SPTBN4: variants seen among roughly 807,000 people sequenced by gnomAD.
SPTBN4 encodes spectrin beta chain, non-erythrocytic 4.
A neutral mutation model predicts 277.8 loss-of-function variants in SPTBN4; 96 were observed. That is an observed-to-expected ratio of 0.35 (90% CI 0.29 to 0.41). The LOEUF (loss-of-function observed/expected upper bound fraction) is 0.41. SPTBN4 is among the 10% of genes least tolerant of loss of function. The pLI, the probability that SPTBN4 is intolerant of heterozygous loss-of-function variation, is 1.00. For synonymous variants in SPTBN4, 1,481 were observed against 1,580.3 expected, an observed-to-expected ratio of 0.94 and a Z score of 1.49; for missense variants, 3,006 against 3,595.7, an observed-to-expected ratio of 0.84 and a Z score of 4.19.
intron 1 of SPTBN4, among the ~76,000 whole-genome samples, chr19:40,469,131 T>C (rs1421483695): frequency 6.6e-6 from 1 of 151,762 alleles, no homozygotes; most frequent in Non-Finnish European, 1.5e-5. Context: ...TGTGTCCCCC[T>C]AAGGGACAAT....
chr19:40,556,568 G>A (rs1042510755), intron 25 of SPTBN4, among the ~76,000 whole-genome samples: 4 of 147,554 alleles, frequency 2.7e-5, no homozygotes, highest in Non-Finnish European at 6.0e-5. Context: ...TTCAGTAAGT[G>A]TTAGATATTA....
rs1295561750 is a variant in SPTBN4 at position 40,560,055 on chromosome 19, G to A, written c.5671-104G>A. 1.8e-5 allele frequency: 26 copies of A among 1,443,832 alleles called. No homozygotes were observed. In the East Asian group the frequency reaches 6.4e-4, roughly 35 times the overall value. 89.4% of individuals were successfully genotyped at this position (1,443,832 alleles called of 1,614,324 possible). ...GAGCCTGGCTGTGGGATCACAGTGT[G>A]AGGCTCCTTATATCTTGAGGTTCTG... On this transcript the variant is annotated intron_variant, in intron 26 of 35. Transcript: ENST00000598249. This position sits in a 1 kb window ranked among gnomAD's most constrained non-coding sequence, Gnocchi z 5.2.
chr19:40,479,961 G>A (rs1484873156), intron 2 of SPTBN4, among the ~76,000 whole-genome samples: 1 of 151,442 alleles, frequency 6.6e-6, no homozygotes, highest in African/African-American at 2.4e-5. Context: ...TTAAAAATTA[G>A]CTGGGTGGGG....
At position 40,502,745 on chromosome 19, in the gene SPTBN4, A is replaced by C; in HGVS notation, c.1204-30A>C. The C allele has an allele frequency of 6.2e-7, 1 of 1,609,890 alleles. No homozygotes were observed. Among genetic ancestry groups the C allele is most frequent in the Non-Finnish European group, 8.5e-7 (1 of 1,177,896 alleles). The stretch of plus-strand genomic sequence containing the variant: ...CCATTAAACTGTGGGGAGCTGTCAG[A>C]GTCTGAGTGCCTCCTCCCATCTCCT... On this transcript the variant is annotated intron_variant, in intron 10 of 35. Transcript: ENST00000598249. This position sits in a 1 kb window ranked among gnomAD's most constrained non-coding sequence, Gnocchi z 4.9.
rs2080976770 is a variant in SPTBN4, at chr19:40,556,165, T to C, written c.5166T>C (p.Ala1722=). Reference sequence around the variant, plus strand: ...AGCTGGGTGAGGAGCGCCGGGTGGCTCTGGAACAGCAGTACTGGCTGTACC... The same window carrying C: ...AGCTGGGTGAGGAGCGCCGGGTGGCCCTGGAACAGCAGTACTGGCTGTACC... ...LKELGEERRV[A]LEQQYWLYQL... Residue 1722 remains alanine, a synonymous_variant, in exon 25 of 36, where the codon GCT becomes GCC. Transcript: ENST00000598249. 2 of 1,613,238 alleles carry C rather than the reference T, an allele frequency of 1.2e-6. No homozygotes were observed. Among genetic ancestry groups the C allele is most frequent in the Admixed American group, 3.3e-5 (2 of 59,978 alleles).
intron 12 of SPTBN4, among the ~76,000 whole-genome samples, chr19:40,505,219 T>C (rs1297132651): frequency 2.1e-5 from 1 of 47,096 alleles, no homozygotes; most frequent in Non-Finnish European, 3.9e-5. Flanking sequence ...ATCCTGTCTG[T>C]ACAAAAAAAA....
chr19:40,532,838 C>A, intron 19 of SPTBN4, 67 bp downstream of exon 19: 1 of 1,505,574 alleles, frequency 6.6e-7, no homozygotes, highest in Non-Finnish European at 8.9e-7. Flanking sequence ...CCACGTCTCA[C>A]CTGCTGCACC....
intron 20 of SPTBN4, 148 bp from the exon 21 acceptor site, chr19:40,549,041 C>A: frequency 1.6e-6 from 1 of 622,262 alleles, no homozygotes. Flanking sequence ...TCATGCGGAG[C>A]GCATCGCTCC....
intron 18 of SPTBN4, among the ~76,000 whole-genome samples, chr19:40,529,929 C>A (rs990800211): frequency 5.3e-5 from 8 of 152,088 alleles, no homozygotes; most frequent in Non-Finnish European, 2.9e-5. Context: ...AAAGACGATT[C>A]GACCCTCCCC....
intron 2 of SPTBN4, among the ~76,000 whole-genome samples, chr19:40,486,154 G>A (rs552319338): frequency 6.6e-6 from 1 of 152,002 alleles, no homozygotes; most frequent in Non-Finnish European, 1.5e-5. Flanking sequence ...AGCCAGGCCT[G>A]GTGGCATGCT....
chr19:40,536,541 G>T (rs761057638), intron 20 of SPTBN4, among the ~76,000 whole-genome samples: 2 of 152,064 alleles, frequency 1.3e-5, no homozygotes, highest in African/African-American at 4.8e-5. Flanking sequence ...ATATAGAATA[G>T]CAGTTCTCAA....
In SPTBN4 at chr19:40,520,543, A is replaced by G. The variant is rs138708463; in HGVS notation, c.3654+392A>G. Among the ~76,000 whole-genome samples, 3 of 152,344 alleles carry G rather than the reference A, an allele frequency of 2.0e-5. No homozygotes were observed. The East Asian group carries it at 5.8e-4, about 29-fold the overall frequency. On this transcript the variant is annotated intron_variant, in intron 16 of 35. Transcript: ENST00000598249. ...AATGGGGTTCAAAGAAGATCTTGGT[A>G]TGGATAACAAAGGATTAGGATTATG...
intron 15 of SPTBN4, among the ~76,000 whole-genome samples, chr19:40,517,378 C>T (rs940359020): frequency 2.0e-5 from 3 of 151,918 alleles, no homozygotes; most frequent in Non-Finnish European, 4.4e-5. Flanking sequence ...CAGCCTTCAC[C>T]GCCCCCGACC....
chr19:40,562,847 A>G (rs1359700798), intron 27 of SPTBN4, among the ~76,000 whole-genome samples: 3 of 151,674 alleles, frequency 2.0e-5, no homozygotes, highest in Admixed American at 2.0e-4. Flanking sequence ...AAAAAAAAAA[A>G]TTAAATATAC....
At chr19:40,504,567 G>A (rs1179222927) in intron 12 of SPTBN4, among the ~76,000 whole-genome samples, 1 of 151,944 alleles carries the variant, frequency 6.6e-6, no homozygotes, top group African/African-American at 2.4e-5. Context: ...TACTTGGGAG[G>A]CTGAGGCAGG....
At chr19:40,494,828 G>A (rs191380526) in intron 5 of SPTBN4, 69 bp from the exon 6 acceptor site, 143 of 1,406,540 alleles carry the variant, frequency 1.0e-4, no homozygotes, top group Middle Eastern at 1.8e-4. Context: ...GTCTCCCTCT[G>A]TCTTTTTCCC....
At chr19:40,468,573 T>C (rs1213913785) in intron 1 of SPTBN4, among the ~76,000 whole-genome samples, 1 of 151,982 alleles carries the variant, frequency 6.6e-6, no homozygotes, top group Non-Finnish European at 1.5e-5. Flanking sequence ...AAAGACCGGG[T>C]TTTGCCATGT....
chr19:40,522,407 G>A (rs910484716), intron 16 of SPTBN4, among the ~76,000 whole-genome samples: 20 of 147,176 alleles, frequency 1.4e-4, no homozygotes, highest in Admixed American at 2.8e-4. Context: ...CTGGAGTGCA[G>A]TGGCGTGATC....
chr19:40,563,061 T>C (rs6508943), intron 27 of SPTBN4, among the ~76,000 whole-genome samples: 65,726 of 151,030 alleles, frequency 0.44, 15,020 homozygotes, highest in Non-Finnish European at 0.48. Flanking sequence ...AAGAAAAAAA[T>C]TAGTCAAGCA....
Sources: allele counts gnomAD v4.1 joint callset (sites outside exome capture counted in the v4.1 genomes callset), GRCh38; gene constraint gnomAD v4.1.1; non-coding constraint Gnocchi (gnomAD v3.1); transcripts MANE v1.5; gene names NCBI Gene and HGNC (gene_info 2026-07-23, HGNC 2026-07-21).